Variants in SLC2A9 observed in about 807,000 individuals in gnomAD.
The protein encoded by SLC2A9 is solute carrier family 2 member 9, also known as solute carrier family 2, facilitated glucose transporter member 9.
In SLC2A9, 39 loss-of-function variants were observed where a neutral mutation model predicts 50.6. The observed-to-expected ratio is 0.77, with a 90% CI of 0.60 to 1.01. SLC2A9 has a LOEUF of 1.01. Among genes scored for constraint, SLC2A9 ranks in the 50% least tolerant of loss-of-function variants. The pLI is 0.00. For missense variants in SLC2A9, 686 were observed against 677.6 expected (o/e 1.01, Z -0.14); for synonymous variants, 324 against 276.9 (o/e 1.17, Z -1.69).
chr4:9,963,948 G>T (rs1752678564), intron 5 of SLC2A9, among the ~76,000 whole-genome samples: 1 of 152,176 alleles, frequency 6.6e-6, no homozygotes, highest in South Asian at 2.1e-4. Flanking sequence ...ATTCCAATGT[G>T]CTGTCTATTG....
At chr4:9,890,969 A>T (rs762444551) in intron 8 of SLC2A9, among the ~76,000 whole-genome samples, 2 of 152,190 alleles carry the variant, frequency 1.3e-5, no homozygotes, top group Non-Finnish European at 2.9e-5. Context: ...CTTCCTTGCT[A>T]TGGTGGACTC....
At chr4:9,877,250 C>T (rs968406053) in intron 10 of SLC2A9, among the ~76,000 whole-genome samples, 6 of 152,208 alleles carry the variant, frequency 3.9e-5, no homozygotes, top group African/African-American at 9.6e-5. Flanking sequence ...ATTCATTCAA[C>T]AAGTAAGAAT....
chr4:9,985,942 T>C, intron 3 of SLC2A9, 149 bp from the exon 4 acceptor site: 1 of 1,125,898 alleles, frequency 8.9e-7, no homozygotes, highest in Non-Finnish European at 1.3e-6. Context: ...TTGCCACCTC[T>C]GGCTGTGTGA....
At chr4:9,938,878 G>A (rs188843474) in intron 6 of SLC2A9, among the ~76,000 whole-genome samples, 281 of 152,258 alleles carry the variant, frequency 1.8e-3, no homozygotes, top group African/African-American at 6.5e-3. Context: ...AAGACCCAGG[G>A]CCTGGGACTC....
chr4:10,006,210 G>A (rs1441157332), intron 2 of SLC2A9, among the ~76,000 whole-genome samples: 1 of 152,180 alleles, frequency 6.6e-6, no homozygotes, highest in Admixed American at 6.5e-5. Context: ...TCCCAGCCAA[G>A]ACTGGCTTAG....
rs577878432 is a variant in SLC2A9, at chr4:9,988,529, C to T, written c.411-2736G>A. Among the ~76,000 whole-genome samples, 3 of 152,274 alleles carry T rather than the reference C, an allele frequency of 2.0e-5. No individual in the cohort carries two copies. In the East Asian group the frequency reaches 5.8e-4, roughly 29 times the overall value. ...GTGAGGATGGAAATGTGTGCAAATC[C>T]TTTGCAAAGCTGACTCACTGGGCTT... is the stretch of plus-strand genomic sequence containing the variant. On this transcript the variant is annotated intron_variant, in intron 3 of 11. Transcript: ENST00000264784.
At chr4:9,790,233 G>A (rs979931484) in intron 3 of SLC2A9, among the ~76,000 whole-genome samples, 1 of 152,182 alleles carries the variant, frequency 6.6e-6, no homozygotes, top group East Asian at 1.9e-4. Flanking sequence ...TCCTCTCCAG[G>A]TGAAGTATTT....
downstream of SLC2A9, among the ~76,000 whole-genome samples, chr4:9,778,710 A>G (rs186563716): frequency 4.4e-4 from 67 of 152,338 alleles, no homozygotes; most frequent in African/African-American, 1.5e-3. Flanking sequence ...TCCTCTTTGG[A>G]GCACCGCCCA....
At position 9,994,861 on chromosome 4, in the gene SLC2A9, AT is replaced by A. The variant is rs144290088; in HGVS notation, c.410+1919del. ...GACATCACAGGCCAGATCCTGGGGC[AT>A]GGGGAGTGACTCCATCCCACTAGGA... On this transcript the variant is annotated intron_variant, in intron 3 of 11. Transcript: ENST00000264784. Among the ~76,000 whole-genome samples the A allele has an allele frequency of 4.1e-3, 618 of 152,216 alleles. 1 individual carries two copies. Among genetic ancestry groups the A allele is most frequent in the African/African-American group, 0.014 (578 of 41,548 alleles).
chr4:9,836,088 CAAAAAA>C (rs35303241), intron 10 of SLC2A9, among the ~76,000 whole-genome samples: 3 of 48,220 alleles, frequency 6.2e-5, no homozygotes, highest in Non-Finnish European at 1.0e-4. Flanking sequence ...AACTCCCTCT[CAAAAAA>C]AAAAAAAAAA....
downstream of SLC2A9, among the ~76,000 whole-genome samples, chr4:9,794,299 C>T (rs1156626604): frequency 3.9e-5 from 6 of 152,166 alleles, no homozygotes; most frequent in Non-Finnish European, 7.3e-5. Flanking sequence ...GGATTACAGG[C>T]ACCCACCACC....
rs572047377 is a variant in SLC2A9 at position 9,992,719 on chromosome 4, C to T, written c.410+4062G>A. On this transcript the variant is annotated intron_variant, in intron 3 of 11. Transcript: ENST00000264784. ...CAGATTTGGATTTTTTAAAAGCTAT[C>T]ATCTGAGCCACTGGATTCAACCAAG... Among the ~76,000 whole-genome samples, 3 of 152,190 alleles carry T rather than the reference C, an allele frequency of 2.0e-5. No homozygotes were observed. In the South Asian group the frequency reaches 6.2e-4, roughly 32 times the overall value.
chr4:9,877,439 C>T (rs1734485213), intron 10 of SLC2A9, among the ~76,000 whole-genome samples: 1 of 152,178 alleles, frequency 6.6e-6, no homozygotes, highest in Non-Finnish European at 1.5e-5. Context: ...AGTCTGGACT[C>T]CACCTTGCCT....
chr4:9,975,907 T>C (rs552032417), intron 5 of SLC2A9, among the ~76,000 whole-genome samples: 1 of 152,368 alleles, frequency 6.6e-6, no homozygotes, highest in Admixed American at 6.5e-5. Flanking sequence ...CGTAGAATAC[T>C]ATGCAGCCAT....
chr4:10,006,992 C>T (rs889209965), intron 2 of SLC2A9, among the ~76,000 whole-genome samples: 3 of 152,086 alleles, frequency 2.0e-5, no homozygotes, highest in East Asian at 1.9e-4. Context: ...AAGCGCGTCC[C>T]GTGAGGCTCT....
At chr4:9,903,785 A>G (rs1740101529) in intron 8 of SLC2A9, among the ~76,000 whole-genome samples, 1 of 147,800 alleles carries the variant, frequency 6.8e-6, no homozygotes, top group East Asian at 1.9e-4. Flanking sequence ...ATATAAATAT[A>G]TTTATTGCCT....
In SLC2A9 at chr4:9,985,010, C is replaced by CT. The variant is rs770987786; in HGVS notation, c.535+658dup. 5.3e-5 allele frequency among the ~76,000 whole-genome samples: 8 copies of CT among 152,336 alleles called. No individual in the cohort carries two copies. The East Asian group carries it at 1.2e-3, about 22-fold the overall frequency. On this transcript the variant is annotated intron_variant, in intron 4 of 11. Transcript: ENST00000264784. Reference sequence around the variant, plus strand: ...CCTTCCGCCTCTGAGACATAATACTCTTCTCTCTGCTGGGAACAGTTCTCA... The same window carrying CT: ...CCTTCCGCCTCTGAGACATAATACTCTTTCTCTCTGCTGGGAACAGTTCTCA...
rs1726778228 is a variant in SLC2A9, at chr4:9,834,914, G to C, written c.1386C>G (p.Asn462Lys). Residue 462 changes from asparagine (N) to lysine (K), a missense_variant, in exon 11 of 12, where the codon AAC becomes AAG. Coordinates refer to ENST00000264784, the MANE Select transcript of SLC2A9 (RefSeq NM_020041.3). ...IIAGTVNWLS[N>K]FAVGLLFPFI... is the part of the protein sequence containing the mutation. ...ATGGGAAGAGGAGCCCAACAGCAAA[G>C]TTGGAGAGCCAGTTGACGGTGCCTG... The C allele has an allele frequency of 6.2e-7, 1 of 1,614,176 alleles. No individual in the cohort carries two copies. Among genetic ancestry groups the C allele is most frequent in the Non-Finnish European group, 8.5e-7 (1 of 1,180,046 alleles).
chr4:9,880,207 GA>G, intron 10 of SLC2A9: 3 of 985,470 alleles, frequency 3.0e-6, no homozygotes, highest in Non-Finnish European at 3.6e-6. Context: ...TAAGTTCCCT[GA>G]GGCTTTAAAC....
Sources: allele counts gnomAD v4.1 joint callset (sites outside exome capture counted in the v4.1 genomes callset), GRCh38; gene constraint gnomAD v4.1.1; transcripts MANE v1.5; gene names NCBI Gene and HGNC (gene_info 2026-07-23, HGNC 2026-07-21).